The following FKBP1A variants were observed in gnomAD, a reference collection of about 807,000 sequenced individuals.
FKBP1A encodes the protein FKBP prolyl isomerase 1A.
In FKBP1A, 5 loss-of-function variants were observed where a neutral mutation model predicts 14.2. That is an observed-to-expected ratio of 0.35 (90% CI 0.18 to 0.74). The LOEUF (loss-of-function observed/expected upper bound fraction) is 0.74. FKBP1A is among the 30% of genes least tolerant of loss of function. The probability of loss-of-function intolerance (pLI) is 0.56; values close to 1 mark genes in which losing one functional copy is unlikely to be tolerated. For synonymous variants in FKBP1A, 42 were observed against 49.1 expected, an observed-to-expected ratio of 0.86 and a Z score of 0.60; for missense variants, 53 against 138.8, an observed-to-expected ratio of 0.38 and a Z score of 3.10.
Position 1,370,864 on chromosome 20 carries a change from G to C in FKBP1A, c.*37-792C>G, listed in dbSNP as rs141671591. The C allele has an allele frequency of 2.2e-4, 219 of 985,434 alleles. 2 individuals carry two copies. The East Asian group carries it at 0.015, about 69-fold the overall frequency. The allele number at this position is 985,434 out of a possible 1,614,324, so 61.0% of individuals were successfully genotyped here. ...AGAACAGGAAAGGGATTTTGGCCTA[G>C]GTGCAGACCTCTGGGCAGACAAAGG... is the stretch of plus-strand genomic sequence containing the variant. On this transcript the variant is annotated intron_variant, in intron 4 of 4. Transcript: ENST00000400137.
chr20:1,388,919 T>G (rs2089700041), intron 2 of FKBP1A, among the ~76,000 whole-genome samples: 1 of 152,208 alleles, frequency 6.6e-6, no homozygotes, highest in Non-Finnish European at 1.5e-5. Flanking sequence ...GTCTTCTTAC[T>G]GTTCCTCTAA....
At chr20:1,370,687 T>C in intron 4 of FKBP1A, 1 of 985,456 alleles carries the variant, frequency 1.0e-6, no homozygotes, top group Non-Finnish European at 1.2e-6. Flanking sequence ...TGGCAGTGGG[T>C]TGGGAGGGTT....
chr20:1,383,684 T>TTA (rs1555788916), intron 2 of FKBP1A, among the ~76,000 whole-genome samples: 43 of 125,284 alleles, frequency 3.4e-4, no homozygotes, highest in African/African-American at 1.1e-3. Flanking sequence ...TGCAAAAAAT[T>TTA]AAAAAAAAAA....
intron 2 of FKBP1A, among the ~76,000 whole-genome samples, chr20:1,383,620 A>G (rs976723936): frequency 6.7e-6 from 1 of 149,866 alleles, no homozygotes; most frequent in Non-Finnish European, 1.5e-5. Context: ...GACTGGCATG[A>G]GTTTGCAACC....
intron 2 of FKBP1A, among the ~76,000 whole-genome samples, chr20:1,382,385 T>C (rs1038131460): frequency 2.6e-5 from 4 of 152,224 alleles, no homozygotes; most frequent in Non-Finnish European, 4.4e-5. Flanking sequence ...TGCCTTCTAA[T>C]TGCAGAACTG....
In FKBP1A at chr20:1,375,496, C is replaced by T. The variant is rs2089529369; in HGVS notation, c.193G>A (p.Ala65Thr). ...AAACAAATGAGAGAGCATACCTGGGCAACCCCTTCTTCCCAGCCTCGGATC... is the reference window on the plus strand; with the variant it reads ...AAACAAATGAGAGAGCATACCTGGGTAACCCCTTCTTCCCAGCCTCGGATC... ...EVIRGWEEGV[A>T]QMSVGQRAKL... The change falls in exon 3 of 5, where the codon GCC becomes ACC. Residue 65 changes from alanine to threonine, a missense_variant. Ala to Thr is a moderately conservative substitution (Grantham distance 58). This residue lies in a region of FKBP1A where 35 missense variants were observed against 118.1 expected (regional missense o/e 0.30). Coordinates refer to ENST00000400137, the MANE Select transcript of FKBP1A (RefSeq NM_000801.5). 1.2e-6 allele frequency: 2 copies of T among 1,611,454 alleles called. No individual in the cohort carries two copies. The highest frequency in any genetic ancestry group is 1.7e-6 in the Non-Finnish European group (2 of 1,177,740).
chr20:1,371,925 A>G, intron 4 of FKBP1A, 151 bp downstream of exon 4: 3 of 1,422,732 alleles, frequency 2.1e-6, no homozygotes, highest in East Asian at 5.1e-5. Context: ...GCATACACTA[A>G]TAACACTGAA....
chr20:1,391,967 GAGA>G (rs1011417806), intron 2 of FKBP1A, among the ~76,000 whole-genome samples: 21 of 152,192 alleles, frequency 1.4e-4, no homozygotes, highest in African/African-American at 4.3e-4. Flanking sequence ...AGCTTGTAAG[GAGA>G]AGGAGTAAGA....
At chr20:1,373,755 T>C (rs1356134847) in intron 3 of FKBP1A, among the ~76,000 whole-genome samples, 1 of 152,154 alleles carries the variant, frequency 6.6e-6, no homozygotes, top group East Asian at 1.9e-4. Flanking sequence ...GTTCCAATGC[T>C]GGAGCAGTCA....
chr20:1,371,067 C>A, intron 4 of FKBP1A: 1 of 985,442 alleles, frequency 1.0e-6, no homozygotes, highest in Non-Finnish European at 1.2e-6. Context: ...TGACTGCCAT[C>A]ACAAATAGGA....
rs528566186 is a variant in FKBP1A at position 1,393,048 on chromosome 20, C to T, written c.-50G>A. 1.3e-3 allele frequency: 1,564 copies of T among 1,225,580 alleles called. 21 individuals carry two copies. Among genetic ancestry groups the T allele is most frequent in the Non-Finnish European group, 3.3e-4 (299 of 910,816 alleles). 75.9% of individuals were successfully genotyped at this position (1,225,580 alleles called of 1,614,324 possible). On this transcript the variant is annotated 5_prime_UTR_variant, in exon 1 of 5. Coordinates refer to ENST00000400137, the MANE Select transcript of FKBP1A (RefSeq NM_000801.5). ...GGGCGGCGCGACGGGCGGCGTGGAC[C>T]AACAGCGACCTGGCGGCGGTTCCAC...
Position 1,379,099 on chromosome 20 carries a change from T to C in FKBP1A, c.86-3496A>G, listed in dbSNP as rs2089589265. On this transcript the variant is annotated intron_variant, in intron 2 of 4. Transcript: ENST00000400137. The surrounding 1 kb of genome is among the most constrained non-coding windows in gnomAD (Gnocchi z 4.3). Reference sequence around the variant, plus strand: ...AAAGTACGGTATACCTATAAAAAATTAGCCTTATTTCTTGCCAAACTTGAA... The same window carrying C: ...AAAGTACGGTATACCTATAAAAAATCAGCCTTATTTCTTGCCAAACTTGAA... 6.6e-6 allele frequency among the ~76,000 whole-genome samples: 1 copy of C among 152,216 alleles called. No individual in the cohort carries two copies. Among genetic ancestry groups the C allele is most frequent in the Non-Finnish European group, 1.5e-5 (1 of 68,008 alleles).
At chr20:1,383,891 G>A (rs931322600) in intron 2 of FKBP1A, among the ~76,000 whole-genome samples, 1 of 151,630 alleles carries the variant, frequency 6.6e-6, no homozygotes, top group Non-Finnish European at 1.5e-5. Context: ...GGGGGAGCCA[G>A]TATTTTTCTG....
At chr20:1,372,328 T>C (rs1254026577) in intron 3 of FKBP1A, 88 bp from the exon 4 acceptor site, 6 of 1,420,780 alleles carry the variant, frequency 4.2e-6, no homozygotes, top group Non-Finnish European at 5.9e-6. Flanking sequence ...TAGGTGTTCC[T>C]TGGCCAGGAT....
At chr20:1,373,857 G>A (rs2089502714) in intron 3 of FKBP1A, among the ~76,000 whole-genome samples, 1 of 151,398 alleles carries the variant, frequency 6.6e-6, no homozygotes, top group South Asian at 2.1e-4. Flanking sequence ...GGAGACAGAG[G>A]CAAAAAGCTA....
chr20:1,369,882 C>G lies in FKBP1A; in HGVS notation c.*227G>C. ...AAAATGAATAACTTGAGGTTTATGGCATATAGTTTAGGTAAACACACATAC... is the reference window on the plus strand; with the variant it reads ...AAAATGAATAACTTGAGGTTTATGGGATATAGTTTAGGTAAACACACATAC... On this transcript the variant is annotated 3_prime_UTR_variant, in exon 5 of 5. Coordinates refer to ENST00000400137, the MANE Select transcript of FKBP1A (RefSeq NM_000801.5). 1 of 769,290 alleles carries G rather than the reference C, an allele frequency of 1.3e-6. No homozygotes were observed. The highest frequency in any genetic ancestry group is 2.0e-6 in the Non-Finnish European group (1 of 497,730). 47.7% of individuals were successfully genotyped at this position (769,290 alleles called of 1,614,324 possible). A position where few individuals can be genotyped will look rare whatever the true frequency, so the allele number is the denominator to read the frequency against.
chr20:1,393,025 G>T lies in FKBP1A; in HGVS notation c.-27C>A. On this transcript the variant is annotated 5_prime_UTR_variant, in exon 1 of 5. Transcript: ENST00000400137. ...GCGGCGGCGGACGCTGAGCGGGCGG[G>T]CGGCGCGACGGGCGGCGTGGACCAA... The T allele has an allele frequency of 7.0e-7, 1 of 1,431,244 alleles. No homozygotes were observed. Among genetic ancestry groups the T allele is most frequent in the Non-Finnish European group, 9.2e-7 (1 of 1,086,250 alleles). The allele number at this position is 1,431,244 out of a possible 1,614,324, so 88.7% of individuals were successfully genotyped here. A position where few individuals can be genotyped will look rare whatever the true frequency, so the allele number is the denominator to read the frequency against.
chr20:1,387,698 A>G (rs1206051456), intron 2 of FKBP1A, among the ~76,000 whole-genome samples: 1 of 152,096 alleles, frequency 6.6e-6, no homozygotes, highest in Non-Finnish European at 1.5e-5. Flanking sequence ...TACAAAAATT[A>G]GGACAGGTGG....
intron 2 of FKBP1A, among the ~76,000 whole-genome samples, chr20:1,389,113 C>G (rs1350033948): frequency 6.6e-6 from 1 of 152,210 alleles, no homozygotes; most frequent in Non-Finnish European, 1.5e-5. Context: ...ATCCCTCACT[C>G]TGCTTTAATC....
Sources: allele counts gnomAD v4.1 joint callset (sites outside exome capture counted in the v4.1 genomes callset), GRCh38; gene constraint gnomAD v4.1.1; regional missense constraint gnomAD v4.1.1; non-coding constraint Gnocchi (gnomAD v3.1); transcripts MANE v1.5; gene names NCBI Gene and HGNC (gene_info 2026-07-23, HGNC 2026-07-21).